The following ZBTB20 variants were observed in gnomAD, a reference collection of about 807,000 sequenced individuals.
ZBTB20 encodes the protein zinc finger and BTB domain-containing protein 20.
In ZBTB20, 9 loss-of-function variants were observed where a neutral mutation model predicts 56.9. The ratio of observed to expected loss-of-function variants is 0.16; its 90% CI spans 0.10 to 0.28. ZBTB20 has a LOEUF of 0.28. ZBTB20 is among the 10% of genes least tolerant of loss of function. The pLI is 1.00. For missense variants in ZBTB20, 655 were observed against 1,003.0 expected (o/e 0.65, Z 4.69); for synonymous variants, 417 against 420.7 (o/e 0.99, Z 0.11).
At chr3:114,478,115 C>T (rs1466119593) in intron 7 of ZBTB20, among the ~76,000 whole-genome samples, 2 of 151,884 alleles carry the variant, frequency 1.3e-5, no homozygotes, top group Non-Finnish European at 1.5e-5. Context: ...TACAGGCATG[C>T]GCCACCACGG....
chr3:114,812,790 T>A (rs1035218791), intron 4 of ZBTB20, among the ~76,000 whole-genome samples: 3 of 151,784 alleles, frequency 2.0e-5, no homozygotes, highest in African/African-American at 7.3e-5. Context: ...GGAGCCCACG[T>A]AGGTCGGGGG....
At chr3:114,459,688 G>A (rs2092234092) in intron 7 of ZBTB20, among the ~76,000 whole-genome samples, 1 of 151,942 alleles carries the variant, frequency 6.6e-6, no homozygotes, top group African/African-American at 2.4e-5. Context: ...TGTAAAAGGG[G>A]CATACTTTAT....
intron 6 of ZBTB20, among the ~76,000 whole-genome samples, chr3:114,692,389 C>T (rs2062752801): frequency 6.6e-6 from 1 of 152,092 alleles, no homozygotes; most frequent in Non-Finnish European, 1.5e-5. Context: ...TCAGAAACAA[C>T]AACACAGTGA....
chr3:114,754,307 G>T (rs1174355855), intron 5 of ZBTB20, among the ~76,000 whole-genome samples: 2 of 152,076 alleles, frequency 1.3e-5, no homozygotes, highest in South Asian at 4.1e-4. Context: ...TTCTCAAAAA[G>T]GATCCTGGCA....
At chr3:114,850,048 C>T (rs531928590) in intron 4 of ZBTB20, among the ~76,000 whole-genome samples, 2 of 151,756 alleles carry the variant, frequency 1.3e-5, no homozygotes, top group South Asian at 2.1e-4. Flanking sequence ...TACAGGTGCC[C>T]GCCACCACGC....
intron 10 of ZBTB20, among the ~76,000 whole-genome samples, chr3:114,372,829 G>A (rs2083186796): frequency 6.6e-6 from 1 of 152,118 alleles, no homozygotes; most frequent in Admixed American, 6.5e-5. Context: ...GGGCAACAGA[G>A]CCAGACCCTG....
At chr3:114,479,305 A>T (rs1001422321) in intron 7 of ZBTB20, among the ~76,000 whole-genome samples, 1 of 152,214 alleles carries the variant, frequency 6.6e-6, no homozygotes, top group Non-Finnish European at 1.5e-5. Flanking sequence ...ATAAAAAAAA[A>T]TCACCATGTA....
chr3:115,080,343 T>C (rs1162965691), intron 1 of ZBTB20, among the ~76,000 whole-genome samples: 5 of 152,192 alleles, frequency 3.3e-5, no homozygotes, highest in Non-Finnish European at 2.9e-5. Flanking sequence ...TCCATGGTCT[T>C]ACAAAGATCA....
In ZBTB20 at chr3:114,326,317, TA is replaced by T. The variant is rs1279241885; in HGVS notation, c.*12687del. On this transcript the variant is annotated 3_prime_UTR_variant, in exon 12 of 12. Transcript: ENST00000675478. ...ATGCATGGTCTTCATCTGCAATCAA[TA>T]AAAAAATCTATTCTTTGGCCCCAGA... The T allele has an allele frequency of 4.6e-5, 7 of 152,158 alleles. No homozygotes were observed. Among genetic ancestry groups the T allele is most frequent in the Admixed American group, 3.9e-4 (6 of 15,268 alleles). 9.4% of individuals were successfully genotyped at this position (152,158 alleles called of 1,614,324 possible). A position where few individuals can be genotyped will look rare whatever the true frequency, so the allele number is the denominator to read the frequency against.
intron 4 of ZBTB20, among the ~76,000 whole-genome samples, chr3:114,812,527 C>T (rs2108883279): frequency 6.6e-6 from 1 of 152,350 alleles, no homozygotes; most frequent in Admixed American, 6.5e-5. Context: ...TCCAAGTCCC[C>T]ACCAGAGTAG....
chr3:114,601,733 A>G (rs1255906301), intron 6 of ZBTB20, among the ~76,000 whole-genome samples: 2 of 152,014 alleles, frequency 1.3e-5, no homozygotes, highest in Non-Finnish European at 2.9e-5. Flanking sequence ...GGGATTTCAA[A>G]GTATAGAGAG....
intron 11 of ZBTB20, among the ~76,000 whole-genome samples, chr3:114,345,916 G>T (rs1038429367): frequency 6.6e-6 from 1 of 152,110 alleles, no homozygotes; most frequent in Non-Finnish European, 1.5e-5. Flanking sequence ...GTAGAGGGGA[G>T]CACTGCTTTC....
intron 1 of ZBTB20, among the ~76,000 whole-genome samples, chr3:115,134,505 C>T (rs2084601642): frequency 6.6e-6 from 1 of 151,714 alleles, no homozygotes; most frequent in Non-Finnish European, 1.5e-5. Context: ...AATATTTCAT[C>T]ATGGGTTTTT....
At chr3:114,974,212 G>T (rs1388375099) in intron 3 of ZBTB20, among the ~76,000 whole-genome samples, 154 bp downstream of exon 3, 1 of 151,600 alleles carries the variant, frequency 6.6e-6, no homozygotes, top group Non-Finnish European at 1.5e-5. Context: ...TTATTTTTAG[G>T]TATACATAGA....
At chr3:114,926,630 T>C (rs373169318) in intron 3 of ZBTB20, among the ~76,000 whole-genome samples, 2 of 152,200 alleles carry the variant, frequency 1.3e-5, no homozygotes, top group Admixed American at 1.3e-4. Flanking sequence ...CAAAGGCAGA[T>C]GAAGAGGCAA....
intron 5 of ZBTB20, among the ~76,000 whole-genome samples, chr3:114,748,337 CTTTCTTTCTTTCTTT>C (rs1190142197): frequency 0.011 from 397 of 35,988 alleles, 1 homozygote; most frequent in Middle Eastern, 0.024. Context: ...TTTCTTTCTT[CTTTCTTTCTTTCTTT>C]TCTCTCTCTC....
At chr3:114,594,179 G>C (rs1419772074) in intron 6 of ZBTB20, among the ~76,000 whole-genome samples, 1 of 151,812 alleles carries the variant, frequency 6.6e-6, no homozygotes, top group Non-Finnish European at 1.5e-5. Context: ...TAATTGAAAA[G>C]AGATGGTTAA....
intron 5 of ZBTB20, among the ~76,000 whole-genome samples, chr3:114,742,675 CT>C (rs760477513): frequency 9.5e-4 from 144 of 152,296 alleles, no homozygotes; most frequent in Middle Eastern, 3.4e-3. Context: ...GAACTCAGAT[CT>C]GTCTGATTTC....
chr3:114,370,689 C>T (rs1049682012), intron 10 of ZBTB20, among the ~76,000 whole-genome samples: 2 of 152,100 alleles, frequency 1.3e-5, no homozygotes, highest in African/African-American at 4.8e-5. Context: ...GCTTATAGTG[C>T]TCTTGGCCAA....
Sources: allele counts gnomAD v4.1 joint callset (sites outside exome capture counted in the v4.1 genomes callset), GRCh38; gene constraint gnomAD v4.1.1; transcripts MANE v1.5; gene names NCBI Gene and HGNC (gene_info 2026-07-23, HGNC 2026-07-21).